The following RNF123 variants were observed in gnomAD, a reference collection of about 807,000 sequenced individuals.
The protein encoded by RNF123 is E3 ubiquitin-protein ligase RNF123.
In RNF123, 86 loss-of-function variants were observed where a neutral mutation model predicts 168.5. That is an observed-to-expected ratio of 0.51 (90% CI 0.43 to 0.61). The LOEUF (loss-of-function observed/expected upper bound fraction) is 0.61, where lower values mean the gene tolerates loss of function less well. RNF123 is among the 20% of genes least tolerant of loss of function. The probability of loss-of-function intolerance (pLI) is 0.00; values close to 1 mark genes in which losing one functional copy is unlikely to be tolerated. For synonymous variants in RNF123, 666 were observed against 689.1 expected, an observed-to-expected ratio of 0.97 and a Z score of 0.52; for missense variants, 1,419 against 1,729.7, an observed-to-expected ratio of 0.82 and a Z score of 3.19.
rs1164603338 is a variant in RNF123 at position 49,699,783 on chromosome 3, T to C, written c.984+11T>C. ...TTTGCACCGCTTCTGGTGAGCGGCATTGGGAGGGGCATGGGAGGGGAGGAG... is the reference window on the plus strand; with the variant it reads ...TTTGCACCGCTTCTGGTGAGCGGCACTGGGAGGGGCATGGGAGGGGAGGAG... On this transcript the variant is annotated intron_variant, in intron 12 of 38. Coordinates refer to ENST00000327697, the MANE Select transcript of RNF123 (RefSeq NM_022064.5). This position sits in a 1 kb window ranked among gnomAD's most constrained non-coding sequence, Gnocchi z 4.8. The C allele has an allele frequency of 3.7e-6, 6 of 1,611,338 alleles. No individual in the cohort carries two copies. The highest frequency in any genetic ancestry group is 1.3e-5 in the African/African-American group (1 of 74,836).
At chr3:49,691,553 C>T in intron 3 of RNF123, 44 bp downstream of exon 3, 7 of 1,481,074 alleles carry the variant, frequency 4.7e-6, no homozygotes, top group Non-Finnish European at 6.6e-6. Context: ...CTGGGCCAGA[C>T]CAGAATAAGG....
In RNF123 at chr3:49,702,132, A is replaced by G; in HGVS notation, c.1545A>G (p.Lys515=). 2 of 1,614,140 alleles carry G rather than the reference A, an allele frequency of 1.2e-6. No homozygotes were observed. The highest frequency in any genetic ancestry group is 1.7e-6 in the Non-Finnish European group (2 of 1,179,986). The part of the protein sequence containing the change: ...VQILKLLLDN[K]DDNGGEASRY... ...TCCTGAAGCTGCTGCTGGACAATAA[A>G]GATGACAATGGGGTGAGTGACTCCC... The change falls in exon 18 of 39, where the codon AAA becomes AAG. Residue 515 remains lysine, a synonymous_variant. Coordinates refer to ENST00000327697, the MANE Select transcript of RNF123 (RefSeq NM_022064.5).
At chr3:49,719,670 T>A in intron 35 of RNF123, 1 of 568,130 alleles carries the variant, frequency 1.8e-6, no homozygotes. Context: ...TCCCTTCGGC[T>A]TCGCTAGCCC....
chr3:49,720,328 A>G (rs572000183), intron 35 of RNF123, 183 bp from the exon 36 acceptor site: 63 of 502,348 alleles, frequency 1.3e-4, no homozygotes, highest in South Asian at 2.0e-4. Flanking sequence ...AAAAAAAAAA[A>G]AAAAACAGGC....
At chr3:49,718,683 C>G (rs1400957801) in intron 35 of RNF123, 1 of 1,613,010 alleles carries the variant, frequency 6.2e-7, no homozygotes, top group Admixed American at 1.7e-5. Flanking sequence ...GGAAGAAGCG[C>G]ACGCGGGACG....
intron 12 of RNF123, 41 bp from the exon 13 acceptor site, chr3:49,700,186 G>A (rs765391393): frequency 2.5e-6 from 4 of 1,611,586 alleles, no homozygotes; most frequent in Non-Finnish European, 3.4e-6. Context: ...CTTGACCAGA[G>A]TGGAAGGCCA....
At chr3:49,690,088 GGCGTGGTGCA>G (rs1379044426) in intron 1 of RNF123, among the ~76,000 whole-genome samples, 2 of 152,224 alleles carry the variant, frequency 1.3e-5, no homozygotes, top group African/African-American at 2.4e-5. Flanking sequence ...CCGAGGAGCA[GGCGTGGTGCA>G]GACCCACAAG....
At position 49,702,725 on chromosome 3, in the gene RNF123, T is replaced by G. The variant is rs769556756; in HGVS notation, c.1722T>G (p.Ala574=). Residue 574 remains alanine (A), a synonymous_variant, in exon 20 of 39, where the codon GCT becomes GCG. Coordinates refer to ENST00000327697, the MANE Select transcript of RNF123 (RefSeq NM_022064.5). ...ALRYYWDEYK[A]SNPHASFSEE... is the part of the protein sequence containing the mutation. ...GCTACTATTGGGATGAATACAAGGC[T>G]TCCAATCCTCATGCTTCCTTCAGTG... 1.2e-5 allele frequency: 20 copies of G among 1,614,104 alleles called. No homozygotes were observed. Among genetic ancestry groups the G allele is most frequent in the Non-Finnish European group, 1.7e-5 (20 of 1,180,028 alleles).
chr3:49,715,542 T>G (rs762799681), intron 31 of RNF123, 33 bp from the exon 32 acceptor site: 2 of 1,612,538 alleles, frequency 1.2e-6, no homozygotes, highest in Non-Finnish European at 1.7e-6. Flanking sequence ...TGCAGTGGAG[T>G]CCCTGATGAT....
intron 12 of RNF123, 128 bp from the exon 13 acceptor site, chr3:49,700,099 A>C: frequency 7.4e-7 from 1 of 1,345,078 alleles, no homozygotes; most frequent in Non-Finnish European, 1.0e-6. Context: ...GGGGTCATCT[A>C]TGTTTGGTGT....
chr3:49,699,184 G>T lies in RNF123; in HGVS notation c.764+79G>T, dbSNP rs1320344544. On this transcript the variant is annotated intron_variant, in intron 10 of 38. Transcript: ENST00000327697. This position sits in a 1 kb window ranked among gnomAD's most constrained non-coding sequence, Gnocchi z 4.8. ...GGATGAGGGGCTCCCTACCCCAGGG[G>T]TGCCATGGGCTGGTGGCAGGCCCTG... 2.7e-5 allele frequency: 42 copies of T among 1,539,412 alleles called. No individual in the cohort carries two copies. The East Asian group carries it at 9.2e-4, about 34-fold the overall frequency.
Position 49,717,601 on chromosome 3 carries a change from C to G in RNF123, c.3500+1124C>G, listed in dbSNP as rs1559689463. On this transcript the variant is annotated intron_variant, in intron 35 of 38. Coordinates refer to ENST00000327697, the MANE Select transcript of RNF123 (RefSeq NM_022064.5). ...GGTTCTTCCACAGGCTGTAGAAGAA[C>G]ACAGCCACTTCCACAGCTGTGCTGT... 1.4e-5 allele frequency: 5 copies of G among 353,990 alleles called. No homozygotes were observed. In the South Asian group the frequency reaches 1.6e-4, roughly 11 times the overall value. 21.9% of individuals were successfully genotyped at this position (353,990 alleles called of 1,614,324 possible). A position where few individuals can be genotyped will look rare whatever the true frequency, so the allele number is the denominator to read the frequency against.
At position 49,721,334 on chromosome 3, in the gene RNF123, T is replaced by TCCA; in HGVS notation, c.*32_*34dup. 6.2e-7 allele frequency: 1 copy of TCCA among 1,614,056 alleles called. No individual in the cohort carries two copies. The highest frequency in any genetic ancestry group is 8.5e-7 in the Non-Finnish European group (1 of 1,179,968). ...TCACAGCCTGTGCCATCCTGGAACC[T>TCCA]CCACCTTTGAACCCAGAGCCAGGCT... On this transcript the variant is annotated 3_prime_UTR_variant, in exon 39 of 39. Transcript: ENST00000327697.
chr3:49,719,267 C>A (rs750230457), intron 35 of RNF123: 1 of 1,613,392 alleles, frequency 6.2e-7, no homozygotes. Flanking sequence ...TGGCTCAGGT[C>A]GAGGTCCGCA....
chr3:49,703,374 G>A (rs2054446463), intron 20 of RNF123, 53 bp from the exon 21 acceptor site: 1 of 1,449,626 alleles, frequency 6.9e-7, no homozygotes, highest in Admixed American at 1.8e-5. Flanking sequence ...GCTGTGGGGA[G>A]GGTCTTCCTA....
intron 21 of RNF123, among the ~76,000 whole-genome samples, chr3:49,703,799 A>G (rs1415712869): frequency 6.6e-6 from 1 of 152,106 alleles, no homozygotes; most frequent in Non-Finnish European, 1.5e-5. Context: ...GTGCTGCCGG[A>G]GCTGCCTTCA....
rs776340029 is a variant in RNF123, at chr3:49,699,779, G to C, written c.984+7G>C. ...TCACTTTGCACCGCTTCTGGTGAGCGGCATTGGGAGGGGCATGGGAGGGGA... is the reference window on the plus strand; with the variant it reads ...TCACTTTGCACCGCTTCTGGTGAGCCGCATTGGGAGGGGCATGGGAGGGGA... On this transcript the variant is annotated splice_region_variant and intron_variant, in intron 12 of 38. Transcript: ENST00000327697. This position sits in a 1 kb window ranked among gnomAD's most constrained non-coding sequence, Gnocchi z 4.8. The C allele has an allele frequency of 1.9e-6, 3 of 1,612,128 alleles. No homozygotes were observed. Among genetic ancestry groups the C allele is most frequent in the Middle Eastern group, 1.8e-4 (1 of 5,494 alleles).
In RNF123 at chr3:49,702,103, C is replaced by T. The variant is rs1408414713; in HGVS notation, c.1516C>T (p.Gln506Ter). ...TCCAGTGGTGGAAGAACTACAGGTC[C>T]AGATCCTGAAGCTGCTGCTGGACAA... ...RIEVVEELQV[Q>*]ILKLLLDNKD... is the part of the protein sequence containing the mutation. The change falls in exon 18 of 39, where the codon CAG becomes TAG. Residue 506 changes from glutamine to a stop codon, truncating the protein, a stop_gained. Coordinates refer to ENST00000327697, the MANE Select transcript of RNF123 (RefSeq NM_022064.5). LOFTEE classifies it high-confidence loss of function. 6.2e-7 allele frequency: 1 copy of T among 1,614,114 alleles called. No homozygotes were observed. Among genetic ancestry groups the T allele is most frequent in the East Asian group, 2.2e-5 (1 of 44,864 alleles).
At chr3:49,718,250 G>A (rs1465860852) in intron 35 of RNF123, 2 of 1,612,040 alleles carry the variant, frequency 1.2e-6, no homozygotes, top group East Asian at 4.5e-5. Context: ...CAGCGGCAGG[G>A]TGGGGCGAAC....
Sources: allele counts gnomAD v4.1 joint callset (sites outside exome capture counted in the v4.1 genomes callset), GRCh38; gene constraint gnomAD v4.1.1; non-coding constraint Gnocchi (gnomAD v3.1); transcripts MANE v1.5; gene names NCBI Gene and HGNC (gene_info 2026-07-23, HGNC 2026-07-21).